Variants in VWA3B observed in about 807,000 individuals in gnomAD.
VWA3B encodes von Willebrand factor A domain containing 3B.
VWA3B carries 138 observed loss-of-function variants against 158.3 expected under a neutral mutation model. The ratio of observed to expected loss-of-function variants is 0.87; its 90% CI spans 0.76 to 1.00. The LOEUF is 1.00. Among genes scored for constraint, VWA3B ranks in the 50% least tolerant of loss-of-function variants. The pLI, the probability that VWA3B is intolerant of heterozygous loss-of-function variation, is 0.00. For missense variants in VWA3B, 1,555 were observed against 1,565.1 expected (o/e 0.99, Z 0.11); for synonymous variants, 596 against 587.3 (o/e 1.01, Z -0.21).
intron 7 of VWA3B, among the ~76,000 whole-genome samples, chr2:98,155,462 C>T (rs1327848124): frequency 6.6e-6 from 1 of 152,184 alleles, no homozygotes; most frequent in Non-Finnish European, 1.5e-5. Context: ...GAATCCTGAC[C>T]TCACCACTTA....
intron 12 of VWA3B, among the ~76,000 whole-genome samples, chr2:98,204,331 T>C (rs1040451346): frequency 3.9e-5 from 6 of 152,372 alleles, no homozygotes; most frequent in African/African-American, 1.4e-4. Flanking sequence ...TACTTGCCTT[T>C]TTCCCAATCA....
chr2:98,092,357 A>G (rs1376261272), intron 1 of VWA3B, among the ~76,000 whole-genome samples: 1 of 152,174 alleles, frequency 6.6e-6, no homozygotes, highest in Non-Finnish European at 1.5e-5. Context: ...TATAAAAGTA[A>G]ATTCCAGCTG....
intron 9 of VWA3B, among the ~76,000 whole-genome samples, chr2:98,186,717 G>T (rs1681093240): frequency 6.6e-6 from 1 of 151,856 alleles, no homozygotes; most frequent in Non-Finnish European, 1.5e-5. Context: ...GCTGCCCGGG[G>T]CCATGCAACT....
At chr2:98,200,085 C>T (rs1373711418) in intron 12 of VWA3B, among the ~76,000 whole-genome samples, 1 of 152,138 alleles carries the variant, frequency 6.6e-6, no homozygotes, top group African/African-American at 2.4e-5. Context: ...TCCTATTGTA[C>T]TTTTAATTGC....
chr2:98,317,335 C>T (rs1574339443), downstream of VWA3B, among the ~76,000 whole-genome samples: 1 of 152,040 alleles, frequency 6.6e-6, no homozygotes, highest in Non-Finnish European at 1.5e-5. Context: ...TTCTAAACCC[C>T]CCCCAGCCAT....
chr2:98,136,602 C>CA (rs540145824), intron 7 of VWA3B, among the ~76,000 whole-genome samples: 25,818 of 125,240 alleles, frequency 0.21, 3,132 homozygotes, highest in African/African-American at 0.39. Context: ...ATGAAAGGGC[C>CA]AAAAAAAAAA....
the VWA3B span, among the ~76,000 whole-genome samples, chr2:98,318,996 G>A: frequency 1.2e-3 from 179 of 152,266 alleles, no homozygotes; most frequent in Non-Finnish European, 1.9e-3. Flanking sequence ...CACATCCCAC[G>A]AATAGTGTAA....
chr2:98,088,480 C>G (rs1682025650), intron 1 of VWA3B, among the ~76,000 whole-genome samples: 2 of 152,146 alleles, frequency 1.3e-5, no homozygotes, highest in African/African-American at 4.8e-5. Flanking sequence ...TTCCCCAAAG[C>G]TTTGCCTGCC....
chr2:98,213,113 G>T (rs1285617319), intron 13 of VWA3B, among the ~76,000 whole-genome samples: 1 of 152,224 alleles, frequency 6.6e-6, no homozygotes, highest in East Asian at 1.9e-4. Context: ...GGAAAGACAA[G>T]AAGGAATTTT....
chr2:98,128,688 T>G (rs1357603153), intron 6 of VWA3B, among the ~76,000 whole-genome samples: 2 of 152,198 alleles, frequency 1.3e-5, no homozygotes. Flanking sequence ...AGCAAATTAC[T>G]CACTGGGGCA....
the VWA3B span, among the ~76,000 whole-genome samples, chr2:98,319,753 G>T: frequency 6.6e-6 from 1 of 151,954 alleles, no homozygotes; most frequent in Non-Finnish European, 1.5e-5. Flanking sequence ...GGTGGTGCAT[G>T]CCTGTAATCC....
At chr2:98,135,116 G>A (rs535639958) in intron 7 of VWA3B, among the ~76,000 whole-genome samples, 41 of 152,270 alleles carry the variant, frequency 2.7e-4, no homozygotes, top group African/African-American at 9.4e-4. Flanking sequence ...ATTAAGCCTA[G>A]TGGGCAATGA....
intron 21 of VWA3B, among the ~76,000 whole-genome samples, chr2:98,264,744 A>G (rs1222995524): frequency 6.6e-6 from 1 of 152,084 alleles, no homozygotes; most frequent in Non-Finnish European, 1.5e-5. Flanking sequence ...GGTGGTGTTC[A>G]AGTCCTTTGT....
At chr2:98,211,002 C>G (rs984990570) in intron 12 of VWA3B, among the ~76,000 whole-genome samples, 1 of 152,174 alleles carries the variant, frequency 6.6e-6, no homozygotes, top group African/African-American at 2.4e-5. Context: ...ACTCCCAGTG[C>G]CAGCGAGGAA....
chr2:98,320,459 G>A, the VWA3B span, among the ~76,000 whole-genome samples: 1 of 152,178 alleles, frequency 6.6e-6, no homozygotes, highest in Non-Finnish European at 1.5e-5. Flanking sequence ...GGCAGAGGTT[G>A]GAACAGTTTG....
chr2:98,143,558 A>G (rs573499283), intron 7 of VWA3B, among the ~76,000 whole-genome samples: 4 of 152,048 alleles, frequency 2.6e-5, no homozygotes, highest in South Asian at 2.1e-4. Context: ...ATTATGCTAT[A>G]TTAGCTGTGT....
At chr2:98,281,498 A>G (rs1240592315) in intron 22 of VWA3B, among the ~76,000 whole-genome samples, 4 of 152,198 alleles carry the variant, frequency 2.6e-5, no homozygotes, top group African/African-American at 9.7e-5. Flanking sequence ...GGGCAGGAAA[A>G]GTATTTAGTA....
At chr2:98,246,424 C>T (rs188951725) in intron 19 of VWA3B, among the ~76,000 whole-genome samples, 54 of 152,222 alleles carry the variant, frequency 3.5e-4, no homozygotes, top group South Asian at 2.3e-3. Context: ...GTTGCCCAGG[C>T]TGGAGTGCAG....
At chr2:98,175,019 C>T (rs1437362181) in intron 8 of VWA3B, among the ~76,000 whole-genome samples, 1 of 152,158 alleles carries the variant, frequency 6.6e-6, no homozygotes, top group Non-Finnish European at 1.5e-5. Context: ...AAACAACCAC[C>T]AAATCACAAC....
Sources: gnomAD v4.1 joint callset for allele counts (sites outside exome capture counted in the v4.1 genomes callset) on GRCh38, gnomAD v4.1.1 for gene constraint, MANE v1.5 for transcripts, NCBI Gene and HGNC (gene_info 2026-07-23, HGNC 2026-07-21) for gene names.